Variants in FREM1 observed in about 807,000 individuals in gnomAD.
The protein encoded by FREM1 is FRAS1 related extracellular matrix 1.
In FREM1, 220 loss-of-function variants were observed where a neutral mutation model predicts 210.1. That is an observed-to-expected ratio of 1.05 (90% confidence interval 0.94 to 1.17). The LOEUF (loss-of-function observed/expected upper bound fraction) is 1.17. FREM1 is among the 50% of genes most tolerant of loss of function. FREM1 has a pLI of 0.00. For missense variants in FREM1, 3,454 were observed against 2,675.5 expected (o/e 1.29, Z -6.42); for synonymous variants, 1,189 against 980.2 (o/e 1.21, Z -3.98).
intron 31 of FREM1, 86 bp from the exon 32 acceptor site, chr9:14,747,814 TA>T: frequency 1.3e-6 from 1 of 741,596 alleles, no homozygotes; most frequent in South Asian, 2.0e-5. Flanking sequence ...AAGATCTTGC[TA>T]ATGTCTGAAC....
At chr9:14,813,108 T>C (rs780430976) in intron 15 of FREM1, 44 bp from the exon 16 acceptor site, 6 of 1,566,258 alleles carry the variant, frequency 3.8e-6, no homozygotes, top group Non-Finnish European at 5.2e-6. Flanking sequence ...AAGAAAGAAA[T>C]GACAAATTCT....
intron 25 of FREM1, 45 bp from the exon 26 acceptor site, chr9:14,770,851 AC>A: frequency 3.5e-6 from 5 of 1,421,204 alleles, no homozygotes; most frequent in Non-Finnish European, 4.9e-6. Flanking sequence ...AAGGCCCCTC[AC>A]CCCCATGCAA....
Position 14,784,452 on chromosome 9 carries a change from T to A in FREM1, c.4360A>T (p.Asn1454Tyr), listed in dbSNP as rs757537192. The A allele has an allele frequency of 6.2e-7, 1 of 1,613,860 alleles. No homozygotes were observed. The highest frequency in any genetic ancestry group is 8.5e-7 in the Non-Finnish European group (1 of 1,179,848). ...YVHYPGVPIT[N>Y]FSQMDVVGQT... ...CCCACTACATCCATTTGGCTGAAGT[T>A]TGTAATGGGAACTCCAGGATAGTGA... is the stretch of plus-strand genomic sequence containing the variant. The change falls in exon 24 of 37, where the codon AAC (asparagine) becomes TAC (tyrosine). Residue 1454 changes from asparagine (N) to tyrosine (Y), a missense_variant. Physicochemically the swap from Asn to Tyr is moderately radical, Grantham distance 143. Transcript: ENST00000380880.
intron 1 of FREM1, among the ~76,000 whole-genome samples, chr9:14,897,819 C>T (rs1451831474): frequency 1.3e-5 from 2 of 152,130 alleles, no homozygotes; most frequent in African/African-American, 4.8e-5. Context: ...GTCTCGAACT[C>T]CTGTCCTTAA....
At chr9:14,756,214 C>T (rs546052905) in intron 29 of FREM1, among the ~76,000 whole-genome samples, 160 bp downstream of exon 29, 1 of 152,058 alleles carries the variant, frequency 6.6e-6, no homozygotes, top group South Asian at 2.1e-4. Context: ...AACCTCAAAT[C>T]CAAACACCTC....
intron 23 of FREM1, among the ~76,000 whole-genome samples, chr9:14,788,460 G>A (rs1002564132): frequency 6.6e-6 from 1 of 152,090 alleles, no homozygotes; most frequent in Non-Finnish European, 1.5e-5. Context: ...CCTTTCTAAT[G>A]ACAAAGTTTA....
chr9:14,884,021 G>C (rs1323214208), intron 1 of FREM1, among the ~76,000 whole-genome samples: 2 of 152,172 alleles, frequency 1.3e-5, no homozygotes, highest in African/African-American at 4.8e-5. Flanking sequence ...CTGAGGTCAG[G>C]AGTTCGAGCC....
chr9:14,865,661 C>CTGTGTGTGTG (rs56960871), intron 2 of FREM1, among the ~76,000 whole-genome samples: 3,943 of 144,552 alleles, frequency 0.027, 154 homozygotes, highest in African/African-American at 0.082. Flanking sequence ...AATGTTTAGG[C>CTGTGTGTGTG]TGTGTGTGTG....
intron 1 of FREM1, among the ~76,000 whole-genome samples, chr9:14,882,464 CTT>C (rs552968082): frequency 0.052 from 7,369 of 141,146 alleles, 345 homozygotes; most frequent in African/African-American, 0.12. Flanking sequence ...TTCTTCTTAT[CTT>C]TTTTTTTTTT....
In FREM1 at chr9:14,775,770, C is replaced by A; in HGVS notation, c.4857+19G>T. On this transcript the variant is annotated intron_variant, in intron 25 of 36. Coordinates refer to ENST00000380880, the MANE Select transcript of FREM1 (RefSeq NM_001379081.2). ...TGTTTTCACATCTCTGGCAAATGAA[C>A]TGTGTTTTTCATACTTGCCTGAATG... The A allele has an allele frequency of 1.2e-5, 15 of 1,230,792 alleles. No individual in the cohort carries two copies. The highest frequency in any genetic ancestry group is 1.6e-5 in the Non-Finnish European group (14 of 857,602). The allele number at this position is 1,230,792 out of a possible 1,614,324, so 76.2% of individuals were successfully genotyped here.
Position 14,737,563 on chromosome 9 carries a change from C to A in FREM1, c.6373G>T (p.Glu2125Ter). Residue 2125 changes from glutamate (E) to a stop codon, truncating the protein, a stop_gained, in exon 37 of 37, where the codon GAG (glutamate) becomes TAG (stop). Transcript: ENST00000380880. LOFTEE classifies it high-confidence loss of function. ...GCAACAGGTTCACCACCGATCCACTCCCAGTGGCCAGCATGCACTTGGTCG... is the reference window on the plus strand; with the variant it reads ...GCAACAGGTTCACCACCGATCCACTACCAGTGGCCAGCATGCACTTGGTCG... ...LNDQVHAGHWEWIGGEPVAFT... is the reference protein window; with the variant it reads ...LNDQVHAGHW 1 of 1,595,718 alleles carries A rather than the reference C, an allele frequency of 6.3e-7. No individual in the cohort carries two copies. The highest frequency in any genetic ancestry group is 8.5e-7 in the Non-Finnish European group (1 of 1,171,164).
At chr9:14,783,497 C>A (rs1429884428) in intron 24 of FREM1, among the ~76,000 whole-genome samples, 1 of 152,180 alleles carries the variant, frequency 6.6e-6, no homozygotes, top group Non-Finnish European at 1.5e-5. Context: ...TCCTTCTGAA[C>A]TGACAGAACT....
At chr9:14,875,113 T>G (rs900122166) in intron 1 of FREM1, among the ~76,000 whole-genome samples, 3 of 152,232 alleles carry the variant, frequency 2.0e-5, no homozygotes, top group Admixed American at 1.3e-4. Context: ...TTTTCCTTCA[T>G]GTCAACTTTG....
At chr9:14,742,790 A>C (rs1029337978) in intron 35 of FREM1, among the ~76,000 whole-genome samples, 1 of 152,168 alleles carries the variant, frequency 6.6e-6, no homozygotes, top group South Asian at 2.1e-4. Context: ...TTATTAACAC[A>C]TAATTTTGAA....
Position 14,836,518 on chromosome 9 carries a change from G to A in FREM1, c.1881+4929C>T, listed in dbSNP as rs1824640695. Among the ~76,000 whole-genome samples the A allele has an allele frequency of 6.6e-6, 1 of 152,158 alleles. No homozygotes were observed. The highest frequency in any genetic ancestry group is 1.5e-5 in the Non-Finnish European group (1 of 68,032). Reference sequence around the variant, plus strand: ...ATTAACAGGCTCAGGGAAAATGCCGGCTTCAGCCCTGGGCGGCTACAATCC... The same window carrying A: ...ATTAACAGGCTCAGGGAAAATGCCGACTTCAGCCCTGGGCGGCTACAATCC... On this transcript the variant is annotated intron_variant, in intron 10 of 36. Coordinates refer to ENST00000380880, the MANE Select transcript of FREM1 (RefSeq NM_001379081.2). The surrounding 1 kb of genome is among the most constrained non-coding windows in gnomAD (Gnocchi z 4.9).
At chr9:14,797,962 A>T (rs1852755285) in intron 20 of FREM1, among the ~76,000 whole-genome samples, 1 of 152,176 alleles carries the variant, frequency 6.6e-6, no homozygotes, top group African/African-American at 2.4e-5. Flanking sequence ...TTTGGGGAAA[A>T]TTATAGAGTT....
intron 23 of FREM1, among the ~76,000 whole-genome samples, chr9:14,785,517 C>A (rs997612885): frequency 6.6e-5 from 10 of 152,010 alleles, no homozygotes; most frequent in African/African-American, 1.7e-4. Context: ...TCACAATAGC[C>A]AAGAGATGCA....
chr9:14,778,988 C>G (rs1014828933), intron 24 of FREM1, among the ~76,000 whole-genome samples: 1 of 152,292 alleles, frequency 6.6e-6, no homozygotes, highest in South Asian at 2.1e-4. Context: ...AACTGATATA[C>G]ATTTTTAGGT....
chr9:14,833,167 C>T (rs1263923434), intron 10 of FREM1, among the ~76,000 whole-genome samples: 1 of 152,068 alleles, frequency 6.6e-6, no homozygotes, highest in East Asian at 1.9e-4. Context: ...TGGTGCCAGC[C>T]GATCCATCAA....
Sources: allele counts gnomAD v4.1 joint callset (sites outside exome capture counted in the v4.1 genomes callset), GRCh38; gene constraint gnomAD v4.1.1; non-coding constraint Gnocchi (gnomAD v3.1); transcripts MANE v1.5; gene names NCBI Gene and HGNC (gene_info 2026-07-23, HGNC 2026-07-21).